The following RAD52 variants were observed in gnomAD, a reference collection of about 807,000 sequenced individuals.
The protein encoded by RAD52 is DNA repair protein RAD52 homolog.
Under a neutral mutation model 55.5 loss-of-function variants are expected in RAD52, and 47 were observed. That is an observed-to-expected ratio of 0.85 (90% confidence interval 0.67 to 1.08). The LOEUF (loss-of-function observed/expected upper bound fraction) is 1.08. Among genes scored for constraint, RAD52 ranks in the 50% least tolerant of loss-of-function variants. The pLI is 0.00. For synonymous variants in RAD52, 184 were observed against 198.9 expected (o/e 0.92, Z 0.63); for missense variants, 468 against 522.8 (o/e 0.90, Z 1.02).
chr12:980,695 GGGTTCA>G (rs1320277783), intron 1 of RAD52, among the ~76,000 whole-genome samples: 1 of 151,122 alleles, frequency 6.6e-6, no homozygotes, highest in African/African-American at 2.4e-5. Flanking sequence ...GCCGCCTCCT[GGGTTCA>G]GGCCTCCTGC....
chr12:988,797 A>T (rs1444906742), intron 1 of RAD52, among the ~76,000 whole-genome samples: 4 of 152,206 alleles, frequency 2.6e-5, no homozygotes, highest in African/African-American at 9.6e-5. Flanking sequence ...CACTACTGTA[A>T]GAATGACACC....
intron 1 of RAD52, among the ~76,000 whole-genome samples, chr12:947,040 C>T (rs1474602350): frequency 6.6e-6 from 1 of 152,200 alleles, no homozygotes; most frequent in African/African-American, 2.4e-5. Context: ...TTAAAAAACA[C>T]TCCCAGAGGG....
chr12:979,501 A>G (rs1005079789), intron 1 of RAD52, among the ~76,000 whole-genome samples: 1 of 152,012 alleles, frequency 6.6e-6, no homozygotes, highest in Non-Finnish European at 1.5e-5. Flanking sequence ...AGATAAGACT[A>G]GTGTCCTTGT....
At chr12:981,010 C>T (rs1959007252) in intron 1 of RAD52, among the ~76,000 whole-genome samples, 1 of 152,120 alleles carries the variant, frequency 6.6e-6, no homozygotes. Flanking sequence ...AGCATCAACT[C>T]TAAGTCCAAA....
intron 1 of RAD52, among the ~76,000 whole-genome samples, chr12:985,226 G>C (rs1454208788): frequency 6.6e-6 from 1 of 152,188 alleles, no homozygotes; most frequent in African/African-American, 2.4e-5. Flanking sequence ...CCACAGCCTT[G>C]ATCTCCTGGG....
intron 7 of RAD52, among the ~76,000 whole-genome samples, chr12:923,140 G>T (rs921779692): frequency 3.3e-5 from 5 of 151,784 alleles, no homozygotes; most frequent in Non-Finnish European, 7.4e-5. Flanking sequence ...TTATAGGCAG[G>T]AGCCACAGCG....
intron 9 of RAD52, among the ~76,000 whole-genome samples, chr12:915,734 T>C (rs1956330382): frequency 6.6e-6 from 1 of 151,114 alleles, no homozygotes; most frequent in Non-Finnish European, 1.5e-5. Context: ...TGTTTTTGTT[T>C]TGAGACAGGG....
At chr12:951,138 G>C (rs940602775), upstream of RAD52, among the ~76,000 whole-genome samples, 1 of 152,040 alleles carries the variant, frequency 6.6e-6, no homozygotes, top group Non-Finnish European at 1.5e-5. Flanking sequence ...AGGGTCTCAA[G>C]CTATCAAGCT....
intron 1 of RAD52, among the ~76,000 whole-genome samples, chr12:935,150 C>T (rs561867628): frequency 3.9e-4 from 58 of 147,854 alleles, no homozygotes; most frequent in African/African-American, 1.4e-3. Flanking sequence ...AAAACCTCAA[C>T]TTACTGCTCA....
chr12:975,228 G>C (rs1392355106), intron 1 of RAD52: 3 of 140,282 alleles, frequency 2.1e-5, no homozygotes, highest in Non-Finnish European at 4.6e-5. Flanking sequence ...AACTACTGTA[G>C]ATAGTTCCAA....
intron 5 of RAD52, among the ~76,000 whole-genome samples, chr12:929,340 C>T (rs11571429): frequency 0.016 from 2,460 of 152,240 alleles, 30 homozygotes; most frequent in Non-Finnish European, 0.027. Context: ...TTAGAGTCCA[C>T]TGGAATATTT....
intron 1 of RAD52, among the ~76,000 whole-genome samples, chr12:939,610 A>G (rs2154117153): frequency 6.6e-6 from 1 of 152,360 alleles, no homozygotes; most frequent in South Asian, 2.1e-4. Context: ...GAAAATCACC[A>G]ACGTCTCATA....
intron 1 of RAD52, among the ~76,000 whole-genome samples, chr12:984,240 G>C (rs1312621593): frequency 6.6e-6 from 1 of 152,090 alleles, no homozygotes; most frequent in Non-Finnish European, 1.5e-5. Context: ...CTTTTGCCCA[G>C]GCTGGAGTGA....
chr12:914,226 T>C, intron 10 of RAD52, 105 bp from the exon 11 acceptor site: 4 of 1,300,632 alleles, frequency 3.1e-6, no homozygotes, highest in Non-Finnish European at 4.2e-6. Context: ...CAGTACCTTC[T>C]GAAAGTTTTT....
At chr12:954,114 A>G (rs1163846937), upstream of RAD52, among the ~76,000 whole-genome samples, 2 of 152,198 alleles carry the variant, frequency 1.3e-5, no homozygotes, top group African/African-American at 2.4e-5. Flanking sequence ...CTTCCTGTGC[A>G]TGCTCAGTTT....
Position 913,903 on chromosome 12 carries a change from G to C in RAD52, c.1186C>G (p.Arg396Gly). The C allele has an allele frequency of 6.2e-7, 1 of 1,613,894 alleles. No individual in the cohort carries two copies. The highest frequency in any genetic ancestry group is 2.2e-5 in the East Asian group (1 of 44,884). The stretch of plus-strand genomic sequence containing the variant: ...AACACCTCTCTGCTACCTGTTGTGC[G>C]TTGGTCAGCGCTATAAGTTTGGAGG... ...WDLQTYSADQ[R>G]TTGNWESHRK... The change falls in exon 11 of 12, where the codon CGC becomes GGC. Residue 396 changes from arginine (R) to glycine (G), a missense_variant. By Grantham distance (125) the Arg-to-Gly change is moderately radical. Coordinates refer to ENST00000358495, the MANE Select transcript of RAD52 (RefSeq NM_134424.4).
At chr12:942,814 T>C (rs986678017) in intron 1 of RAD52, among the ~76,000 whole-genome samples, 10 of 150,832 alleles carry the variant, frequency 6.6e-5, no homozygotes, top group South Asian at 4.2e-4. Context: ...GTAGCCAAGA[T>C]TTCCTAGGAC....
intron 1 of RAD52, chr12:975,580 G>T (rs763240800): frequency 5.3e-5 from 8 of 152,170 alleles, no homozygotes; most frequent in Non-Finnish European, 1.0e-4. Flanking sequence ...AGAAGTGGAT[G>T]ATATCCAGTG....
chr12:949,889 C>G (rs1327806882), upstream of RAD52, among the ~76,000 whole-genome samples: 1 of 152,212 alleles, frequency 6.6e-6, no homozygotes, highest in Non-Finnish European at 1.5e-5. Context: ...GCCGCTCGCC[C>G]TGCCGCTTCC....
Sources: allele counts gnomAD v4.1 joint callset (sites outside exome capture counted in the v4.1 genomes callset), GRCh38; gene constraint gnomAD v4.1.1; transcripts MANE v1.5; gene names NCBI Gene and HGNC (gene_info 2026-07-23, HGNC 2026-07-21).